The following METTL15 variants were observed in gnomAD, a reference collection of about 807,000 sequenced individuals.
The protein encoded by METTL15 is 12S rRNA N(4)-cytidine methyltransferase METTL15.
A neutral mutation model predicts 38.3 loss-of-function variants in METTL15; 34 were observed. That is an observed-to-expected ratio of 0.89 (90% CI 0.68 to 1.18). The LOEUF (loss-of-function observed/expected upper bound fraction) is 1.18. Ranked by LOEUF, METTL15 falls within the 50% of genes most tolerant of loss-of-function variation. METTL15 has a pLI of 0.00. For synonymous variants in METTL15, 162 were observed against 170.9 expected (o/e 0.95, Z 0.41); for missense variants, 438 against 498.4 (o/e 0.88, Z 1.15).
At chr11:28,186,270 G>A (rs922480327) in intron 3 of METTL15, among the ~76,000 whole-genome samples, 25 of 151,122 alleles carry the variant, frequency 1.7e-4, no homozygotes, top group African/African-American at 4.8e-4. Context: ...AAGCTGATTG[G>A]AATGAGAGAA....
chr11:28,253,419 A>G (rs1854829336), intron 4 of METTL15, among the ~76,000 whole-genome samples: 1 of 152,212 alleles, frequency 6.6e-6, no homozygotes, highest in African/African-American at 2.4e-5. Context: ...AGAATGGGGT[A>G]TGCGTCCCCT....
chr11:28,231,000 T>G (rs576732801), intron 4 of METTL15, among the ~76,000 whole-genome samples: 2 of 152,012 alleles, frequency 1.3e-5, no homozygotes. Context: ...GTAAATCTCC[T>G]GGCAGGGAAA....
chr11:28,164,451 T>G (rs572265616), intron 3 of METTL15, among the ~76,000 whole-genome samples: 1 of 152,150 alleles, frequency 6.6e-6, no homozygotes, highest in South Asian at 2.1e-4. Flanking sequence ...TTGCCATAAT[T>G]TATAGGTTTT....
intron 5 of METTL15, among the ~76,000 whole-genome samples, chr11:28,295,793 A>C (rs1856710857): frequency 1.3e-5 from 2 of 152,072 alleles, no homozygotes; most frequent in Admixed American, 1.3e-4. Context: ...GTTTGTTGGC[A>C]ACCCCACTCT....
rs933533847 is a variant in METTL15 at position 28,239,846 on chromosome 11, T to G, written c.407+28648T>G. ...GTATTTTATAATTCCTTACCCTTGC[T>G]TTATATTTTGTTATACAACATCACC... On this transcript the variant is annotated intron_variant, in intron 4 of 6. Coordinates refer to ENST00000407364, the MANE Select transcript of METTL15 (RefSeq NM_001113528.2). Among the ~76,000 whole-genome samples the G allele has an allele frequency of 2.6e-5, 4 of 152,252 alleles. 1 individual carries two copies. The highest frequency in any genetic ancestry group is 5.9e-5 in the Non-Finnish European group (4 of 68,046).
At chr11:28,453,963 C>G (rs1443131664) in intron 6 of METTL15, among the ~76,000 whole-genome samples, 3 of 152,178 alleles carry the variant, frequency 2.0e-5, no homozygotes, top group African/African-American at 4.8e-5. Context: ...TAATTTTAAT[C>G]ATACTGTATT....
intron 4 of METTL15, among the ~76,000 whole-genome samples, chr11:28,275,860 A>G (rs1855822553): frequency 6.6e-6 from 1 of 152,110 alleles, no homozygotes. Context: ...TATTAATCTC[A>G]GTATACACAG....
At chr11:28,428,971 G>T (rs1040461477) in intron 6 of METTL15, among the ~76,000 whole-genome samples, 5 of 152,022 alleles carry the variant, frequency 3.3e-5, no homozygotes, top group Admixed American at 1.3e-4. Context: ...ACCTTTATCT[G>T]GAAGGCTCAT....
intron 3 of METTL15, among the ~76,000 whole-genome samples, chr11:28,131,072 C>T (rs968203027): frequency 3.3e-5 from 5 of 151,896 alleles, no homozygotes; most frequent in African/African-American, 1.2e-4. Context: ...GGCATCCTCC[C>T]ATTTTTTTTT....
chr11:28,256,623 CTATT>C (rs1259578718), intron 4 of METTL15, among the ~76,000 whole-genome samples: 15 of 151,894 alleles, frequency 9.9e-5, no homozygotes, highest in Non-Finnish European at 1.9e-4. Context: ...GAAGATTTGT[CTATT>C]TATGTAACTT....
chr11:28,452,032 C>T (rs1163821897), intron 6 of METTL15, among the ~76,000 whole-genome samples: 10 of 152,214 alleles, frequency 6.6e-5, no homozygotes, highest in Admixed American at 6.5e-4. Context: ...CCTGGAATAA[C>T]CACTTAGCTG....
intron 3 of METTL15, among the ~76,000 whole-genome samples, chr11:28,175,905 G>A (rs1200405657): frequency 6.6e-6 from 1 of 151,344 alleles, no homozygotes; most frequent in Non-Finnish European, 1.5e-5. Flanking sequence ...GAAAATAAAT[G>A]TGCAAATATA....
intron 4 of METTL15, among the ~76,000 whole-genome samples, chr11:28,272,582 A>G (rs913727104): frequency 6.6e-6 from 1 of 152,160 alleles, no homozygotes; most frequent in Middle Eastern, 3.2e-3. Context: ...GTGTGCGTTC[A>G]GGACAGGGAT....
intron 6 of METTL15, among the ~76,000 whole-genome samples, chr11:28,475,707 A>G (rs569873008): frequency 6.6e-6 from 1 of 152,336 alleles, no homozygotes; most frequent in South Asian, 2.1e-4. Context: ...TTCTACTTAC[A>G]GCATTCCCCT....
chr11:28,447,883 C>A (rs11030338), intron 6 of METTL15, among the ~76,000 whole-genome samples: 3 of 152,076 alleles, frequency 2.0e-5, no homozygotes, highest in African/African-American at 7.3e-5. Context: ...GCCCAGTATT[C>A]TGAGACGATT....
At chr11:28,508,534 GTC>G (rs780811848) in intron 6 of METTL15, among the ~76,000 whole-genome samples, 23 of 152,120 alleles carry the variant, frequency 1.5e-4, no homozygotes, top group Non-Finnish European at 1.6e-4. Context: ...CCCATTGATA[GTC>G]TAATTAGAGA....
chr11:28,209,558 A>G (rs1046800870), intron 3 of METTL15, among the ~76,000 whole-genome samples: 1 of 152,100 alleles, frequency 6.6e-6, no homozygotes, highest in Non-Finnish European at 1.5e-5. Flanking sequence ...ACACTACAAC[A>G]TTTGTGTTAA....
intron 3 of METTL15, chr11:28,125,977 C>T (rs554849858): frequency 6.6e-6 from 1 of 152,100 alleles, no homozygotes; most frequent in Admixed American, 6.6e-5. Flanking sequence ...TTTTTGGGTG[C>T]CTTTATTTCT....
At chr11:28,180,907 A>G (rs1851259208) in intron 3 of METTL15, among the ~76,000 whole-genome samples, 1 of 151,804 alleles carries the variant, frequency 6.6e-6, no homozygotes, top group Non-Finnish European at 1.5e-5. Flanking sequence ...GTTGGTAAAG[A>G]GAGTAAAAAC....
Sources: gnomAD v4.1 joint callset for allele counts (sites outside exome capture counted in the v4.1 genomes callset) on GRCh38, gnomAD v4.1.1 for gene constraint, MANE v1.5 for transcripts, NCBI Gene and HGNC (gene_info 2026-07-23, HGNC 2026-07-21) for gene names.